PHF20: variants seen among roughly 807,000 people sequenced by gnomAD.
PHF20 encodes the protein PHD finger protein 20, also known as glioma-expressed antigen 2.
In PHF20, 23 loss-of-function variants were observed where a neutral mutation model predicts 113.5. That is an observed-to-expected ratio of 0.20 (90% CI 0.15 to 0.29). The LOEUF is 0.29. PHF20 is among the 10% of genes least tolerant of loss of function. The probability of loss-of-function intolerance (pLI) is 1.00; values close to 1 mark genes in which losing one functional copy is unlikely to be tolerated. For synonymous variants in PHF20, 434 were observed against 457.3 expected (o/e 0.95, Z 0.65); for missense variants, 943 against 1,219.6 (o/e 0.77, Z 3.38).
At chr20:35,884,454 C>T (rs1167400143) in intron 9 of PHF20, among the ~76,000 whole-genome samples, 1 of 152,152 alleles carries the variant, frequency 6.6e-6, no homozygotes, top group Non-Finnish European at 1.5e-5. Context: ...GGAATGAGTG[C>T]TCAGTGATTT....
intron 4 of PHF20, among the ~76,000 whole-genome samples, chr20:35,855,056 T>C (rs2042801658): frequency 6.6e-6 from 1 of 152,192 alleles, no homozygotes; most frequent in East Asian, 1.9e-4. Context: ...GTTGATAAAA[T>C]AGTTGAAAGT....
chr20:35,789,982 G>A (rs1385058889), intron 1 of PHF20, among the ~76,000 whole-genome samples: 1 of 151,796 alleles, frequency 6.6e-6, no homozygotes, highest in Non-Finnish European at 1.5e-5. Context: ...AGCCTCCTGA[G>A]TAGCTGGGAT....
At chr20:35,898,849 G>A (rs1004360355) in intron 9 of PHF20, among the ~76,000 whole-genome samples, 1 of 152,114 alleles carries the variant, frequency 6.6e-6, no homozygotes, top group Non-Finnish European at 1.5e-5. Flanking sequence ...GACCTCAGGC[G>A]ATCTGCCTCC....
intron 6 of PHF20, among the ~76,000 whole-genome samples, chr20:35,865,429 TA>T (rs1484896639): frequency 1.3e-5 from 2 of 148,674 alleles, no homozygotes; most frequent in Non-Finnish European, 1.5e-5. Context: ...GAGCCCAGTT[TA>T]AAAAAAAAAT....
At chr20:35,772,779 G>T (rs1419414471) in intron 1 of PHF20, among the ~76,000 whole-genome samples, 1 of 151,890 alleles carries the variant, frequency 6.6e-6, no homozygotes, top group Non-Finnish European at 1.5e-5. Flanking sequence ...CCCTGTTATC[G>T]GGTCCTCAGA....
chr20:35,865,135 G>A (rs1031333957), intron 6 of PHF20, among the ~76,000 whole-genome samples: 4 of 152,138 alleles, frequency 2.6e-5, no homozygotes, highest in Admixed American at 2.6e-4. Context: ...GGAGGTTGCA[G>A]TGAGCTGAGA....
intron 1 of PHF20, among the ~76,000 whole-genome samples, chr20:35,773,066 T>A (rs2041096326): frequency 6.6e-6 from 1 of 152,202 alleles, no homozygotes; most frequent in Non-Finnish European, 1.5e-5. Context: ...ACTTTTCACG[T>A]GTTCCCCAAA....
intron 1 of PHF20, among the ~76,000 whole-genome samples, chr20:35,786,927 C>CATG (rs902323690): frequency 2.6e-5 from 4 of 151,838 alleles, no homozygotes; most frequent in Admixed American, 1.3e-4. Flanking sequence ...AAAGAACCTC[C>CATG]ATGTGATTAT....
intron 9 of PHF20, among the ~76,000 whole-genome samples, chr20:35,876,402 C>T (rs2054521880): frequency 6.6e-6 from 1 of 151,404 alleles, no homozygotes; most frequent in South Asian, 2.1e-4. Flanking sequence ...GAAACCCCAT[C>T]TCTACCAAAA....
At chr20:35,832,845 C>T (rs1028858286) in intron 2 of PHF20, among the ~76,000 whole-genome samples, 1 of 152,018 alleles carries the variant, frequency 6.6e-6, no homozygotes, top group Non-Finnish European at 1.5e-5. Flanking sequence ...GTCAGGAGTT[C>T]GAGACCAGCC....
In PHF20 at chr20:35,939,022, G is replaced by A. The variant is rs760028978; in HGVS notation, c.2626G>A (p.Asp876Asn). 8.1e-6 allele frequency: 13 copies of A among 1,614,016 alleles called. No homozygotes were observed. In the South Asian group the frequency reaches 8.8e-5, roughly 11 times the overall value. ...DAVNPLHENGDDSLSPRLGWP... is the reference protein window; with the variant it reads ...DAVNPLHENGNDSLSPRLGWP... ...GGTCAACCCCCTCCATGAGAACGGCGATGATTCCCTTTCCCCGCGCCTGGG... is the reference window on the plus strand; with the variant it reads ...GGTCAACCCCCTCCATGAGAACGGCAATGATTCCCTTTCCCCGCGCCTGGG... Residue 876 changes from aspartate to asparagine, a missense_variant, in exon 16 of 18, where the codon GAT becomes AAT. Physicochemically the swap from Asp to Asn is conservative, Grantham distance 23. This residue lies in a region of PHF20 where 349 missense variants were observed against 412.3 expected (regional missense o/e 0.85). Transcript: ENST00000374012.
intron 6 of PHF20, among the ~76,000 whole-genome samples, chr20:35,869,183 T>A (rs924698677): frequency 1.9e-4 from 29 of 152,010 alleles, no homozygotes; most frequent in Admixed American, 1.4e-3. Context: ...CAAGTAGAGG[T>A]TGAAAACTGG....
chr20:35,817,208 A>G (rs991129176), intron 2 of PHF20, among the ~76,000 whole-genome samples: 1 of 151,174 alleles, frequency 6.6e-6, no homozygotes, highest in East Asian at 2.0e-4. Flanking sequence ...TTTATTTGAG[A>G]CAGAGTCTCA....
At chr20:35,806,186 T>C (rs1392603939) in intron 2 of PHF20, among the ~76,000 whole-genome samples, 1 of 137,562 alleles carries the variant, frequency 7.3e-6, no homozygotes, top group Non-Finnish European at 1.6e-5. Flanking sequence ...TTTTTTGATA[T>C]GTCTCACTCT....
At chr20:35,900,602 G>T (rs1043371598) in intron 10 of PHF20, among the ~76,000 whole-genome samples, 2 of 152,194 alleles carry the variant, frequency 1.3e-5, no homozygotes, top group African/African-American at 4.8e-5. Flanking sequence ...GGGAGGCCAA[G>T]GCAGGAGGAT....
chr20:35,868,595 G>T (rs1055154776), intron 6 of PHF20, among the ~76,000 whole-genome samples: 1 of 151,694 alleles, frequency 6.6e-6, no homozygotes, highest in Non-Finnish European at 1.5e-5. Context: ...AACAGACCCA[G>T]ACTTCATCTC....
intron 4 of PHF20, among the ~76,000 whole-genome samples, chr20:35,852,622 G>A (rs1361359981): frequency 6.7e-6 from 1 of 148,654 alleles, no homozygotes; most frequent in Non-Finnish European, 1.5e-5. Context: ...TTTTTGAGAC[G>A]GAGTCTCCCT....
At chr20:35,939,181 C>A in intron 16 of PHF20, 73 bp downstream of exon 16, 1 of 1,397,638 alleles carries the variant, frequency 7.2e-7, no homozygotes, top group Non-Finnish European at 9.7e-7. Context: ...AGTTTGAATG[C>A]TCTATGGAAG....
intron 14 of PHF20, among the ~76,000 whole-genome samples, chr20:35,929,888 G>A (rs1480465582): frequency 6.6e-6 from 1 of 152,216 alleles, no homozygotes; most frequent in Non-Finnish European, 1.5e-5. Context: ...ACAGAATCAA[G>A]GTGTATCCCC....
Sources: allele counts gnomAD v4.1 joint callset (sites outside exome capture counted in the v4.1 genomes callset), GRCh38; gene constraint gnomAD v4.1.1; regional missense constraint gnomAD v4.1.1; transcripts MANE v1.5; gene names NCBI Gene and HGNC (gene_info 2026-07-23, HGNC 2026-07-21).